The following WWOX variants were observed in gnomAD, a reference collection of about 807,000 sequenced individuals.
WWOX encodes the protein WW domain-containing oxidoreductase.
A neutral mutation model predicts 46.2 loss-of-function variants in WWOX; 69 were observed. The ratio of observed to expected loss-of-function variants is 1.49; its 90% CI spans 1.23 to 1.82. WWOX has a LOEUF of 1.82. Ranked by LOEUF, WWOX falls within the 40% of genes most tolerant of loss-of-function variation. The pLI is 0.00. For missense variants in WWOX, 919 were observed against 542.6 expected (o/e 1.69, Z -6.89); for synonymous variants, 359 against 202.6 (o/e 1.77, Z -6.56).
At chr16:78,223,047 T>C (rs886337968) in intron 5 of WWOX, among the ~76,000 whole-genome samples, 3 of 152,210 alleles carry the variant, frequency 2.0e-5, no homozygotes, top group Non-Finnish European at 4.4e-5. Flanking sequence ...AGCTCTGGCA[T>C]GGACTTTCCT....
intron 8 of WWOX, among the ~76,000 whole-genome samples, chr16:78,698,523 G>A (rs1326856488): frequency 1.3e-5 from 2 of 152,132 alleles, no homozygotes; most frequent in Admixed American, 1.3e-4. Context: ...TCGTTTTGAG[G>A]AGATCTAGAA....
At chr16:79,018,063 T>G (rs982631537) in intron 8 of WWOX, among the ~76,000 whole-genome samples, 21 of 152,358 alleles carry the variant, frequency 1.4e-4, no homozygotes, top group Admixed American at 8.5e-4. Context: ...GAAACAAAAC[T>G]AGTTACAGAG....
chr16:78,861,603 G>A (rs1226301853), intron 8 of WWOX, among the ~76,000 whole-genome samples: 1 of 152,158 alleles, frequency 6.6e-6, no homozygotes, highest in Non-Finnish European at 1.5e-5. Context: ...GATAATTACA[G>A]TATCATCATC....
chr16:78,632,538 TC>T (rs1567450915), intron 8 of WWOX, among the ~76,000 whole-genome samples: 2 of 145,028 alleles, frequency 1.4e-5, no homozygotes, highest in African/African-American at 5.1e-5. Context: ...GACACTCTCT[TC>T]CCCCACTTAC....
intron 5 of WWOX, among the ~76,000 whole-genome samples, chr16:78,227,589 T>C (rs2037107045): frequency 6.6e-6 from 1 of 152,144 alleles, no homozygotes; most frequent in Non-Finnish European, 1.5e-5. Flanking sequence ...GGTAGAAACA[T>C]ACAAGGGCCG....
chr16:79,069,935 C>T (rs569147304), intron 8 of WWOX, among the ~76,000 whole-genome samples: 79 of 152,280 alleles, frequency 5.2e-4, no homozygotes, highest in African/African-American at 1.8e-3. Context: ...TTACCCAAAC[C>T]TTTGTGTCAC....
At chr16:78,833,728 T>C (rs2051896452) in intron 8 of WWOX, among the ~76,000 whole-genome samples, 1 of 152,238 alleles carries the variant, frequency 6.6e-6, no homozygotes, top group African/African-American at 2.4e-5. Context: ...GCATCCTCTG[T>C]GAAACTGGGT....
intron 8 of WWOX, among the ~76,000 whole-genome samples, chr16:78,745,898 G>A (rs904907027): frequency 6.6e-6 from 1 of 152,040 alleles, no homozygotes; most frequent in African/African-American, 2.4e-5. Flanking sequence ...AGGAACGTGT[G>A]CATGCCAGAA....
At chr16:79,106,202 T>A (rs1216000822) in intron 8 of WWOX, among the ~76,000 whole-genome samples, 2 of 152,212 alleles carry the variant, frequency 1.3e-5, no homozygotes, top group Non-Finnish European at 1.5e-5. Flanking sequence ...TCCAAGAGAC[T>A]TCAGTGCCTG....
rs7192466 is a variant in WWOX at position 79,181,791 on chromosome 16, C to G, written c.1057-29817C>G. Among the ~76,000 whole-genome samples, 348 of 152,280 alleles carry G rather than the reference C, an allele frequency of 2.3e-3. 2 individuals are homozygous for G. The highest frequency in any genetic ancestry group is 8.0e-3 in the African/African-American group (331 of 41,536). ...ATGGAGAGGTCTTTTAAATCTCAGC[C>G]TGCAAACAATCCCACTGCAGGTTTA... On this transcript the variant is annotated intron_variant, in intron 8 of 8. Transcript: ENST00000566780.
chr16:78,992,772 G>A (rs1374714928), intron 8 of WWOX, among the ~76,000 whole-genome samples: 3 of 152,138 alleles, frequency 2.0e-5, no homozygotes, highest in Non-Finnish European at 4.4e-5. Context: ...GGAGGAAAGT[G>A]TCCTCTGAGC....
chr16:79,143,547 A>C (rs1381122003), intron 8 of WWOX, among the ~76,000 whole-genome samples: 1 of 152,194 alleles, frequency 6.6e-6, no homozygotes, highest in Admixed American at 6.5e-5. Context: ...TTCTTGATAC[A>C]TACCAATGAT....
chr16:78,632,000 G>A (rs1268555520), intron 8 of WWOX, among the ~76,000 whole-genome samples: 2 of 150,534 alleles, frequency 1.3e-5, no homozygotes, highest in South Asian at 4.2e-4. Context: ...AAACAAAGTT[G>A]ACAACCTGAT....
intron 8 of WWOX, among the ~76,000 whole-genome samples, chr16:79,127,088 G>A (rs1345547340): frequency 1.3e-5 from 2 of 151,496 alleles, no homozygotes; most frequent in Non-Finnish European, 2.9e-5. Flanking sequence ...TTTTGAATAG[G>A]TAATACTTTT....
chr16:78,996,637 G>A (rs189063158), intron 8 of WWOX, among the ~76,000 whole-genome samples: 2 of 152,160 alleles, frequency 1.3e-5, no homozygotes, highest in East Asian at 3.9e-4. Flanking sequence ...GTCCATTCAG[G>A]GAGACTCTAG....
chr16:78,104,231 A>AATACACAC (rs1555534029), intron 1 of WWOX, among the ~76,000 whole-genome samples: 1 of 130,224 alleles, frequency 7.7e-6, no homozygotes, highest in East Asian at 2.3e-4. Flanking sequence ...CTGTGCTCAA[A>AATACACAC]ACACACACAC....
chr16:78,651,392 C>T (rs530240687), intron 8 of WWOX, among the ~76,000 whole-genome samples: 1 of 152,180 alleles, frequency 6.6e-6, no homozygotes, highest in South Asian at 2.1e-4. Flanking sequence ...AGGTTGAATA[C>T]AAGCAGCTAT....
At chr16:78,370,840 A>G (rs927923955) in intron 5 of WWOX, among the ~76,000 whole-genome samples, 1 of 126,832 alleles carries the variant, frequency 7.9e-6, no homozygotes, top group Non-Finnish European at 1.7e-5. Context: ...TTCTCAGCCT[A>G]TTCTTGTTTG....
intron 6 of WWOX, among the ~76,000 whole-genome samples, chr16:78,393,501 A>G (rs2082220018): frequency 6.6e-6 from 1 of 152,214 alleles, no homozygotes; most frequent in Admixed American, 6.5e-5. Flanking sequence ...TCTATATTAC[A>G]AAATTTTTTA....
Sources: gnomAD v4.1 joint callset for allele counts (sites outside exome capture counted in the v4.1 genomes callset) on GRCh38, gnomAD v4.1.1 for gene constraint, MANE v1.5 for transcripts, NCBI Gene and HGNC (gene_info 2026-07-23, HGNC 2026-07-21) for gene names.